The following GRAMD1B variants were observed in gnomAD, a reference collection of about 807,000 sequenced individuals.
GRAMD1B encodes the protein GRAM domain containing 1B.
GRAMD1B carries 37 observed loss-of-function variants against 99.7 expected under a neutral mutation model. The observed-to-expected ratio is 0.37, with a 90% CI of 0.29 to 0.49. The LOEUF (loss-of-function observed/expected upper bound fraction) is 0.49, where lower values mean the gene tolerates loss of function less well. GRAMD1B is among the 20% of genes least tolerant of loss of function. GRAMD1B has a pLI of 0.98. For synonymous variants in GRAMD1B, 427 were observed against 387.6 expected (o/e 1.10, Z -1.19); for missense variants, 888 against 1,009.2 (o/e 0.88, Z 1.63).
At chr11:123,488,937 G>A (rs1309337249) in intron 2 of GRAMD1B, among the ~76,000 whole-genome samples, 1 of 152,068 alleles carries the variant, frequency 6.6e-6, no homozygotes, top group Non-Finnish European at 1.5e-5. Flanking sequence ...GTTAGGGGGG[G>A]GCGGTCCTTA....
At chr11:123,404,112 G>T (rs1947770965) in intron 1 of GRAMD1B, among the ~76,000 whole-genome samples, 1 of 152,078 alleles carries the variant, frequency 6.6e-6, no homozygotes, top group African/African-American at 2.4e-5. Flanking sequence ...CTTGCAAATT[G>T]GTTGCTGAAT....
intron 2 of GRAMD1B, among the ~76,000 whole-genome samples, chr11:123,530,826 T>C (rs1943283937): frequency 6.6e-6 from 1 of 152,176 alleles, no homozygotes; most frequent in Non-Finnish European, 1.5e-5. Flanking sequence ...ACTTCATGGC[T>C]TGAGACTTTG....
At chr11:123,602,553 T>C (rs1952119510) in intron 8 of GRAMD1B, among the ~76,000 whole-genome samples, 1 of 152,090 alleles carries the variant, frequency 6.6e-6, no homozygotes, top group South Asian at 2.1e-4. Context: ...TCTGTTTTTC[T>C]TCATGCCCTT....
At position 123,538,629 on chromosome 11, in the gene GRAMD1B, A is replaced by AT. The variant is rs369485832; in HGVS notation, c.453-38729dup. On this transcript the variant is annotated intron_variant, in intron 2 of 19. Transcript: ENST00000635736. ...TCTGGACTTTATTTTATTTTATTTT[A>AT]TTTTTTTTTGAGACAGAGTCTCACT... 8.6e-3 allele frequency among the ~76,000 whole-genome samples: 1,287 copies of AT among 149,652 alleles called. 18 individuals carry two copies. The highest frequency in any genetic ancestry group is 0.02 in the African/African-American group (833 of 40,690).
intron 2 of GRAMD1B, among the ~76,000 whole-genome samples, chr11:123,512,240 C>T (rs1332601325): frequency 6.6e-6 from 1 of 152,240 alleles, no homozygotes; most frequent in Admixed American, 6.5e-5. Context: ...GGTGGGAACG[C>T]TGCTGTCTGT....
intron 1 of GRAMD1B, among the ~76,000 whole-genome samples, chr11:123,466,356 A>G (rs532063970): frequency 1.7e-5 from 2 of 116,644 alleles, no homozygotes; most frequent in African/African-American, 3.7e-5. Context: ...GAAGGAAAGA[A>G]GGAAGGAAGG....
chr11:123,393,464 G>A (rs552633218), intron 1 of GRAMD1B, among the ~76,000 whole-genome samples: 10 of 152,306 alleles, frequency 6.6e-5, no homozygotes, highest in South Asian at 2.1e-4. Flanking sequence ...GATGGCAACC[G>A]TGGCTGCAGT....
rs113375901 is a variant in GRAMD1B at position 123,448,263 on chromosome 11, A to ATT, written c.374+17105_374+17106dup. The stretch of plus-strand genomic sequence containing the variant: ...CTCCCCCTTGTACTATTTTTTTATT[A>ATT]TTTTTTTTTGAGGCAGTCTTGCTCT... On this transcript the variant is annotated intron_variant, in intron 1 of 19. Coordinates refer to ENST00000635736, the MANE Select transcript of GRAMD1B (RefSeq NM_001387025.1). Among the ~76,000 whole-genome samples, 489 of 149,850 alleles carry ATT rather than the reference A, an allele frequency of 3.3e-3. 5 individuals carry two copies. The highest frequency in any genetic ancestry group is 0.011 in the African/African-American group (468 of 40,788).
chr11:123,433,677 TGC>T (rs763220756), intron 1 of GRAMD1B, among the ~76,000 whole-genome samples: 9 of 69,928 alleles, frequency 1.3e-4, no homozygotes, highest in East Asian at 8.8e-4. Flanking sequence ...AAATGTTACG[TGC>T]GTGTGTGTGT....
At chr11:123,473,204 C>G (rs1951100217) in intron 1 of GRAMD1B, among the ~76,000 whole-genome samples, 1 of 152,218 alleles carries the variant, frequency 6.6e-6, no homozygotes, top group Admixed American at 6.5e-5. Flanking sequence ...GCTGGGATTA[C>G]AGGAGTCTGC....
Position 123,599,990 on chromosome 11 carries a change from C to T in GRAMD1B, c.970-478C>T, listed in dbSNP as rs184649546. Among the ~76,000 whole-genome samples, 5 of 152,320 alleles carry T rather than the reference C, an allele frequency of 3.3e-5. No homozygotes were observed. The East Asian group carries it at 9.6e-4, about 29-fold the overall frequency. ...GTTTAATGGGTAAACTCCACAAGAGCAGGATCTCTTTCTGTGTTGTTTCTT... is the reference window on the plus strand; with the variant it reads ...GTTTAATGGGTAAACTCCACAAGAGTAGGATCTCTTTCTGTGTTGTTTCTT... On this transcript the variant is annotated intron_variant, in intron 7 of 19. Coordinates refer to ENST00000635736, the MANE Select transcript of GRAMD1B (RefSeq NM_001387025.1).
intron 2 of GRAMD1B, among the ~76,000 whole-genome samples, chr11:123,563,914 C>T (rs1399133485): frequency 6.6e-6 from 1 of 152,170 alleles, no homozygotes; most frequent in Non-Finnish European, 1.5e-5. Context: ...GCGGGACCGA[C>T]CTCTTACAGT....
chr11:123,617,279 G>A (rs534239649), intron 17 of GRAMD1B, among the ~76,000 whole-genome samples: 5 of 151,726 alleles, frequency 3.3e-5, no homozygotes, highest in African/African-American at 1.2e-4. Context: ...CCCTTCCCGG[G>A]CTCAAGCAAT....
rs140236121 is a variant in GRAMD1B at position 123,463,998 on chromosome 11, G to A, written c.375-16818G>A. ...TTCAAGAGACTGTAACTTGGGAAGAGACTTGACTAGAGCTGTTTTAGAAGA... is the reference window on the plus strand; with the variant it reads ...TTCAAGAGACTGTAACTTGGGAAGAAACTTGACTAGAGCTGTTTTAGAAGA... On this transcript the variant is annotated intron_variant, in intron 1 of 19. Transcript: ENST00000635736. Among the ~76,000 whole-genome samples, 20 of 152,240 alleles carry A rather than the reference G, an allele frequency of 1.3e-4. No homozygotes were observed. The East Asian group carries it at 3.5e-3, about 26-fold the overall frequency.
chr11:123,367,329 C>A (rs1283205770), intron 1 of GRAMD1B, among the ~76,000 whole-genome samples: 1 of 152,180 alleles, frequency 6.6e-6, no homozygotes, highest in Non-Finnish European at 1.5e-5. Context: ...GAGTCAGACA[C>A]CTTGTTAATG....
At chr11:123,563,116 G>T (rs979728841) in intron 2 of GRAMD1B, among the ~76,000 whole-genome samples, 2 of 152,224 alleles carry the variant, frequency 1.3e-5, no homozygotes, top group South Asian at 4.1e-4. Flanking sequence ...TCCAGCAGGT[G>T]CCGAGAAGGC....
intron 1 of GRAMD1B, among the ~76,000 whole-genome samples, chr11:123,386,021 A>G (rs1947044633): frequency 6.6e-6 from 1 of 152,190 alleles, no homozygotes; most frequent in African/African-American, 2.4e-5. Flanking sequence ...AGAATAAGAG[A>G]ACATCATATG....
intron 2 of GRAMD1B, among the ~76,000 whole-genome samples, chr11:123,558,791 A>G (rs1946410074): frequency 6.6e-6 from 1 of 152,228 alleles, no homozygotes; most frequent in Admixed American, 6.5e-5. Context: ...GACAGCCCAG[A>G]ACTATCTGCT....
intron 1 of GRAMD1B, among the ~76,000 whole-genome samples, chr11:123,448,848 C>T (rs1014279463): frequency 2.6e-5 from 4 of 152,230 alleles, no homozygotes; most frequent in Admixed American, 6.5e-5. Flanking sequence ...CCGGCTCTCA[C>T]GTGTATTACA....
Sources: allele counts gnomAD v4.1 joint callset (sites outside exome capture counted in the v4.1 genomes callset), GRCh38; gene constraint gnomAD v4.1.1; transcripts MANE v1.5; gene names NCBI Gene and HGNC (gene_info 2026-07-23, HGNC 2026-07-21).